JAM3: variants seen among roughly 807,000 people sequenced by gnomAD.
JAM3 encodes junctional adhesion molecule C.
A neutral mutation model predicts 39.4 loss-of-function variants in JAM3; 31 were observed. The observed-to-expected ratio is 0.79, with a 90% CI of 0.59 to 1.06. The LOEUF (loss-of-function observed/expected upper bound fraction) is 1.06. Ranked by LOEUF, JAM3 falls within the 50% of genes least tolerant of loss-of-function variation. JAM3 has a pLI of 0.00. For synonymous variants in JAM3, 182 were observed against 148.7 expected (o/e 1.22, Z -1.63); for missense variants, 455 against 391.4 (o/e 1.16, Z -1.37).
At chr11:134,135,839 C>T (rs746291608) in intron 1 of JAM3, among the ~76,000 whole-genome samples, 3 of 151,968 alleles carry the variant, frequency 2.0e-5, no homozygotes, top group Admixed American at 6.6e-5. Flanking sequence ...GGGGCCGAGG[C>T]GGGTAGAACA....
At chr11:134,080,661 C>T (rs762954310) in intron 1 of JAM3, among the ~76,000 whole-genome samples, 2 of 152,156 alleles carry the variant, frequency 1.3e-5, no homozygotes, top group Non-Finnish European at 2.9e-5. Context: ...GTCTAATAAA[C>T]CTCTTTCTTT....
intron 1 of JAM3, chr11:134,124,273 T>G: frequency 1.0e-6 from 1 of 997,648 alleles, no homozygotes; most frequent in Admixed American, 1.7e-5. Context: ...GGGTTGTGAG[T>G]TACAAGAAAA....
chr11:134,091,172 C>T (rs759102605), intron 1 of JAM3, among the ~76,000 whole-genome samples: 7 of 152,058 alleles, frequency 4.6e-5, no homozygotes, highest in Non-Finnish European at 1.0e-4. Flanking sequence ...CCAGCCTGGG[C>T]AACACAGTGA....
chr11:134,097,857 T>A (rs1446420578), intron 1 of JAM3, among the ~76,000 whole-genome samples: 1 of 151,392 alleles, frequency 6.6e-6, no homozygotes, highest in South Asian at 2.1e-4. Flanking sequence ...TTCTTTTATA[T>A]ATATGTATAT....
chr11:134,099,869 T>G (rs929630910), intron 1 of JAM3, among the ~76,000 whole-genome samples: 14 of 152,188 alleles, frequency 9.2e-5, no homozygotes, highest in Admixed American at 3.3e-4. Context: ...CCTCCCAAAG[T>G]GCTGGGATTA....
At chr11:134,116,900 C>A (rs536096122) in intron 1 of JAM3, among the ~76,000 whole-genome samples, 1 of 152,080 alleles carries the variant, frequency 6.6e-6, no homozygotes, top group East Asian at 1.9e-4. Flanking sequence ...AGCATTTTCC[C>A]CTTGCATATT....
chr11:134,069,099 C>G lies in JAM3; in HGVS notation c.16C>G (p.Pro6Ala). MALRR[P>A]PRLRLCARLP... is the part of the protein sequence containing the mutation. ...AACCCTCGACATGGCGCTGAGGCGGCCACCGCGACTCCGGCTCTGCGCTCG... is the reference window on the plus strand; with the variant it reads ...AACCCTCGACATGGCGCTGAGGCGGGCACCGCGACTCCGGCTCTGCGCTCG... The change falls in exon 1 of 9, where the codon CCA becomes GCA. Residue 6 changes from proline to alanine, a missense_variant. Transcript: ENST00000299106. The G allele has an allele frequency of 6.2e-7, 1 of 1,611,680 alleles. No individual in the cohort carries two copies. The highest frequency in any genetic ancestry group is 2.2e-5 in the East Asian group (1 of 44,784).
chr11:134,135,790 C>G (rs921329129), intron 1 of JAM3, among the ~76,000 whole-genome samples: 5 of 152,044 alleles, frequency 3.3e-5, no homozygotes, highest in African/African-American at 4.8e-5. Context: ...GTTGAATGGC[C>G]AGGCGCGGTG....
chr11:134,141,142 C>T (rs74838176), intron 3 of JAM3, among the ~76,000 whole-genome samples: 1,547 of 152,148 alleles, frequency 0.01, 21 homozygotes, highest in African/African-American at 0.035. Flanking sequence ...AGCAAGGGCA[C>T]AGCACAAATG....
In JAM3 at chr11:134,149,329, C is replaced by A. The variant is rs1591811768; in HGVS notation, c.*148C>A. Reference sequence around the variant, plus strand: ...GTTTTGGCCAAAGTTGACCACTACTCTTCTTACTCTAACAAGCCACATGAA... The same window carrying A: ...GTTTTGGCCAAAGTTGACCACTACTATTCTTACTCTAACAAGCCACATGAA... On this transcript the variant is annotated 3_prime_UTR_variant, in exon 9 of 9. Coordinates refer to ENST00000299106, the MANE Select transcript of JAM3 (RefSeq NM_032801.5). 1 of 825,252 alleles carries A rather than the reference C, an allele frequency of 1.2e-6. No homozygotes were observed. The highest frequency in any genetic ancestry group is 2.0e-6 in the Non-Finnish European group (1 of 500,196). 51.1% of individuals were successfully genotyped at this position (825,252 alleles called of 1,614,324 possible).
rs1160326388 is a variant in JAM3, at chr11:134,151,594, A to G, written c.*2413A>G. 6.6e-6 allele frequency: 1 copy of G among 152,324 alleles called. No homozygotes were observed. Among genetic ancestry groups the G allele is most frequent in the African/African-American group, 2.4e-5 (1 of 41,582 alleles). The allele number at this position is 152,324 out of a possible 1,614,324, so 9.4% of individuals were successfully genotyped here. A position where few individuals can be genotyped will look rare whatever the true frequency, so the allele number is the denominator to read the frequency against. On this transcript the variant is annotated 3_prime_UTR_variant, in exon 9 of 9. Transcript: ENST00000299106. ...CTAGACGGAAAAGGAATACTCGTGT[A>G]TTTTAAGATATGAATGTGACTCAAG...
At chr11:134,149,005 T>C in intron 8 of JAM3, 141 bp from the exon 9 acceptor site, 2 of 1,021,262 alleles carry the variant, frequency 2.0e-6, no homozygotes. Context: ...CTAATGGGAT[T>C]TGTGCTTTGC....
chr11:134,091,700 G>A (rs536295891), intron 1 of JAM3, among the ~76,000 whole-genome samples: 113 of 152,046 alleles, frequency 7.4e-4, no homozygotes, highest in African/African-American at 2.6e-3. Context: ...GCAGAGACAA[G>A]TTATCACTTA....
chr11:134,106,882 T>C (rs1565490635), intron 1 of JAM3, among the ~76,000 whole-genome samples: 1 of 152,072 alleles, frequency 6.6e-6, no homozygotes, highest in Admixed American at 6.6e-5. Flanking sequence ...ACACTGTTGG[T>C]GGGACTGTAA....
At chr11:134,143,055 A>G (rs947109094) in intron 3 of JAM3, among the ~76,000 whole-genome samples, 1 of 152,118 alleles carries the variant, frequency 6.6e-6, no homozygotes. Flanking sequence ...TGCTATCAGT[A>G]TTTGTTTACA....
chr11:134,125,083 C>A (rs1472289222), intron 1 of JAM3, among the ~76,000 whole-genome samples: 1 of 152,176 alleles, frequency 6.6e-6, no homozygotes, highest in African/African-American at 2.4e-5. Context: ...CCGCCGCTGC[C>A]CTGTGGTGTC....
intron 1 of JAM3, among the ~76,000 whole-genome samples, chr11:134,084,238 C>T (rs1941711140): frequency 6.6e-6 from 1 of 152,218 alleles, no homozygotes; most frequent in Admixed American, 6.5e-5. Context: ...CATCCAGCTT[C>T]ATATACCTAT....
At chr11:134,124,374 A>T in intron 1 of JAM3, 1 of 666,906 alleles carries the variant, frequency 1.5e-6, no homozygotes, top group South Asian at 1.8e-5. Context: ...TGATGGGAAA[A>T]GTGAAAGAAA....
At chr11:134,097,125 C>T (rs11223688) in intron 1 of JAM3, among the ~76,000 whole-genome samples, 9 of 152,086 alleles carry the variant, frequency 5.9e-5, no homozygotes, top group East Asian at 3.9e-4. Flanking sequence ...CCCCATCCCC[C>T]GCATCCCATC....
Sources: gnomAD v4.1 joint callset for allele counts (sites outside exome capture counted in the v4.1 genomes callset) on GRCh38, gnomAD v4.1.1 for gene constraint, MANE v1.5 for transcripts, NCBI Gene and HGNC (gene_info 2026-07-23, HGNC 2026-07-21) for gene names.